Variants in SYNRG observed in about 807,000 individuals in gnomAD.
The protein encoded by SYNRG is synergin gamma.
In SYNRG, 37 loss-of-function variants were observed where a neutral mutation model predicts 130.9. The observed-to-expected ratio is 0.28, with a 90% CI of 0.22 to 0.37. SYNRG has a LOEUF of 0.37. Among genes scored for constraint, SYNRG ranks in the 10% least tolerant of loss-of-function variants. SYNRG has a pLI of 1.00. For missense variants in SYNRG, 1,338 were observed against 1,588.9 expected, an observed-to-expected ratio of 0.84 and a Z score of 2.68; for synonymous variants, 539 against 568.1, an observed-to-expected ratio of 0.95 and a Z score of 0.73.
chr17:37,547,724 A>G (rs2058395879), intron 14 of SYNRG, among the ~76,000 whole-genome samples: 1 of 152,096 alleles, frequency 6.6e-6, no homozygotes, highest in Admixed American at 6.5e-5. Context: ...TCGCCTCCCA[A>G]AGTGCTGGGA....
At chr17:37,520,065 T>C in intron 21 of SYNRG, 114 bp downstream of exon 21, 1 of 1,171,500 alleles carries the variant, frequency 8.5e-7, no homozygotes, top group Non-Finnish European at 1.3e-6. Flanking sequence ...ACTGACTCAG[T>C]GAAGGATTCA....
chr17:37,567,865 C>T (rs2145894992), intron 11 of SYNRG: 1 of 152,320 alleles, frequency 6.6e-6, no homozygotes, highest in East Asian at 1.9e-4. Context: ...ATCGCTTACT[C>T]TGGTGTCTGA....
chr17:37,538,399 T>C lies in SYNRG; in HGVS notation c.3442A>G (p.Thr1148Ala). ...GAACTACTACTGATTCCATTTAAGG[T>C]ATCATTTGCCTTCTTAATGACCTAC... ...ALNVIKKAND[T>A]LNGISSSSVC... The change falls in exon 18 of 22, where the codon ACC becomes GCC. Residue 1148 changes from threonine (T) to alanine (A), a missense_variant. Around this residue, in one of 3 missense-constraint regions of SYNRG, gnomAD observed 1,146 missense variants for 1,342.3 expected, o/e 0.85. Transcript: ENST00000612223. 1.2e-6 allele frequency: 2 copies of C among 1,609,652 alleles called. No homozygotes were observed. The highest frequency in any genetic ancestry group is 1.1e-5 in the South Asian group (1 of 89,730).
At position 37,514,828 on chromosome 17, in the gene SYNRG, G is replaced by T. The variant is rs570475850; in HGVS notation, c.*4112C>A. 1 of 152,174 alleles carries T rather than the reference G, an allele frequency of 6.6e-6. No homozygotes were observed. Among genetic ancestry groups the T allele is most frequent in the African/African-American group, 2.4e-5 (1 of 41,430 alleles). The allele number at this position is 152,174 out of a possible 1,614,324, so 9.4% of individuals were successfully genotyped here. ...GACATTCTTCTACACTTGTATTTTG[G>T]TTAGAGAAGTTTAACAAGGGGTGAT... On this transcript the variant is annotated 3_prime_UTR_variant, in exon 22 of 22. Transcript: ENST00000612223.
intron 10 of SYNRG, 150 bp from the exon 11 acceptor site, chr17:37,569,074 T>C (rs2060213397): frequency 1.2e-5 from 10 of 800,708 alleles, no homozygotes; most frequent in Non-Finnish European, 1.9e-5. Flanking sequence ...TGTTTTGTAT[T>C]TTTAAATACT....
At chr17:37,591,427 A>G (rs1324556110) in intron 3 of SYNRG, among the ~76,000 whole-genome samples, 1 of 152,238 alleles carries the variant, frequency 6.6e-6, no homozygotes, top group Non-Finnish European at 1.5e-5. Flanking sequence ...CACAATGCCT[A>G]TCAAAACTCC....
At chr17:37,595,225 A>C (rs1324374549) in intron 3 of SYNRG, among the ~76,000 whole-genome samples, 1 of 152,238 alleles carries the variant, frequency 6.6e-6, no homozygotes, top group Non-Finnish European at 1.5e-5. Flanking sequence ...TTATTTGCAT[A>C]ATCGACTTCA....
intron 19 of SYNRG, among the ~76,000 whole-genome samples, chr17:37,530,009 A>G (rs2056451848): frequency 6.6e-6 from 1 of 152,182 alleles, no homozygotes; most frequent in Non-Finnish European, 1.5e-5. Flanking sequence ...CCTGGTATAT[A>G]TATGTACAAG....
chr17:37,578,357 A>T (rs920396942), intron 6 of SYNRG, among the ~76,000 whole-genome samples: 1 of 152,136 alleles, frequency 6.6e-6, no homozygotes, highest in Non-Finnish European at 1.5e-5. Flanking sequence ...AAACGTTGAA[A>T]TAATTCAATC....
intron 6 of SYNRG, among the ~76,000 whole-genome samples, chr17:37,580,478 C>CGTGTGTGTGTGTGTGTGTGTGT (rs1341679385): frequency 3.4e-4 from 41 of 121,984 alleles, no homozygotes; most frequent in African/African-American, 1.3e-3. Context: ...CTTTGTATTT[C>CGTGTGTGTGTGTGTGTGTGTGT]GTGTGTGTGT....
chr17:37,609,088 C>G (rs189706968), intron 1 of SYNRG, among the ~76,000 whole-genome samples, 191 bp downstream of exon 1: 1 of 151,370 alleles, frequency 6.6e-6, no homozygotes, highest in Non-Finnish European at 1.5e-5. Context: ...CCCAACTGAT[C>G]CCGGAACACC....
intron 3 of SYNRG, among the ~76,000 whole-genome samples, chr17:37,594,173 A>T (rs2062477769): frequency 9.1e-6 from 1 of 109,996 alleles, no homozygotes; most frequent in Non-Finnish European, 1.8e-5. Context: ...AATTATATTA[A>T]TTACAATATT....
intron 11 of SYNRG, among the ~76,000 whole-genome samples, chr17:37,562,611 T>C (rs567881393): frequency 3.4e-4 from 52 of 152,208 alleles, no homozygotes; most frequent in Non-Finnish European, 6.6e-4. Context: ...AGGTAAAAAC[T>C]AGGCTCTGGT....
At chr17:37,581,888 C>T in intron 6 of SYNRG, among the ~76,000 whole-genome samples, 1 of 152,006 alleles carries the variant, frequency 6.6e-6, no homozygotes, top group Non-Finnish European at 1.5e-5. Flanking sequence ...CCTCAGCCTC[C>T]TGAATGGCTG....
chr17:37,577,517 GC>G lies in SYNRG; in HGVS notation c.685del (p.Ala229ProfsTer2), dbSNP rs2060932362. On this transcript the variant is annotated frameshift_variant, in exon 7 of 22. Coordinates refer to ENST00000612223, the MANE Select transcript of SYNRG (RefSeq NM_007247.6). LOFTEE classifies it high-confidence loss of function. Reference sequence around the variant, plus strand: ...CTTCTTACTGGAACCTGGGCCTAGGGCTTTGTGGCCAACTTCAGAAGTATTT... The same window carrying G: ...CTTCTTACTGGAACCTGGGCCTAGGGTTTGTGGCCAACTTCAGAAGTATTT... The part of the protein sequence containing the change: ...KLNTSEVGHK[A>X]LGPGSSKKYP... 1 of 1,614,060 alleles carries G rather than the reference GC, an allele frequency of 6.2e-7. No individual in the cohort carries two copies. The highest frequency in any genetic ancestry group is 1.7e-5 in the Admixed American group (1 of 59,988).
rs756471050 is a variant in SYNRG, at chr17:37,570,751, G to T, written c.1233C>A (p.Gly411=). 1 of 1,614,242 alleles carries T rather than the reference G, an allele frequency of 6.2e-7. No individual in the cohort carries two copies. The highest frequency in any genetic ancestry group is 8.5e-7 in the Non-Finnish European group (1 of 1,180,044). ...QPTVIPSGPA[G]SMPLSLGQPV... ...GCTGTCCAAGGCTGAGGGGCATGGAGCCCGCAGGACCTGAAGGTATCACAG... is the reference window on the plus strand; with the variant it reads ...GCTGTCCAAGGCTGAGGGGCATGGATCCCGCAGGACCTGAAGGTATCACAG... Residue 411 remains glycine, a synonymous_variant, in exon 10 of 22, where the codon GGC becomes GGA. Coordinates refer to ENST00000612223, the MANE Select transcript of SYNRG (RefSeq NM_007247.6).
intron 6 of SYNRG, among the ~76,000 whole-genome samples, chr17:37,579,645 G>C (rs2061130738): frequency 6.6e-6 from 1 of 152,146 alleles, no homozygotes; most frequent in Non-Finnish European, 1.5e-5. Context: ...TCTTTTTAAA[G>C]GGGAGTTTTA....
rs867303052 is a variant in SYNRG, at chr17:37,520,474, T to C, written c.3777+64A>G. The C allele has an allele frequency of 1.9e-5, 28 of 1,483,318 alleles. No homozygotes were observed. The Middle Eastern group carries it at 1.2e-3, about 64-fold the overall frequency. 91.9% of individuals were successfully genotyped at this position (1,483,318 alleles called of 1,614,324 possible). A position where few individuals can be genotyped will look rare whatever the true frequency, so the allele number is the denominator to read the frequency against. On this transcript the variant is annotated intron_variant, in intron 20 of 21. Transcript: ENST00000612223. ...AAACTCTGCAGTAAAGTGGGCCAGATGAGGTTGTCCAGAGTCATGTTAGGG... is the reference window on the plus strand; with the variant it reads ...AAACTCTGCAGTAAAGTGGGCCAGACGAGGTTGTCCAGAGTCATGTTAGGG...
At chr17:37,525,678 C>CA (rs1398428748) in intron 19 of SYNRG, among the ~76,000 whole-genome samples, 4 of 151,946 alleles carry the variant, frequency 2.6e-5, no homozygotes, top group African/African-American at 4.8e-5. Flanking sequence ...ACTAAAAATA[C>CA]AAAAAAATGC....
Sources: allele counts gnomAD v4.1 joint callset (sites outside exome capture counted in the v4.1 genomes callset), GRCh38; gene constraint gnomAD v4.1.1; regional missense constraint gnomAD v4.1.1; transcripts MANE v1.5; gene names NCBI Gene and HGNC (gene_info 2026-07-23, HGNC 2026-07-21).